Variants in RGS7 observed in about 807,000 individuals in gnomAD.
RGS7 encodes regulator of G-protein signaling 7.
A neutral mutation model predicts 81.1 loss-of-function variants in RGS7; 27 were observed. The observed-to-expected ratio is 0.33, with a 90% CI of 0.25 to 0.46. The LOEUF is 0.46. RGS7 is among the 20% of genes least tolerant of loss of function. The pLI is 1.00. For synonymous variants in RGS7, 208 were observed against 207.7 expected, an observed-to-expected ratio of 1.00 and a Z score of -0.01; for missense variants, 396 against 607.4, an observed-to-expected ratio of 0.65 and a Z score of 3.66.
chr1:241,285,025 A>G (rs1161964110), intron 2 of RGS7, among the ~76,000 whole-genome samples: 1 of 151,782 alleles, frequency 6.6e-6, no homozygotes, highest in Non-Finnish European at 1.5e-5. Context: ...CACCCACCAC[A>G]ATGCCCAGCT....
intron 3 of RGS7, among the ~76,000 whole-genome samples, chr1:241,014,855 T>C (rs1204811872): frequency 6.6e-5 from 10 of 152,122 alleles, no homozygotes; most frequent in Admixed American, 2.0e-4. Flanking sequence ...CCATGAAGAA[T>C]AGGTTGGTTT....
chr1:240,807,107 C>T (rs548788517), intron 14 of RGS7, among the ~76,000 whole-genome samples: 3 of 152,164 alleles, frequency 2.0e-5, no homozygotes, highest in East Asian at 3.9e-4. Context: ...CTTATTTATA[C>T]CATATGTATA....
intron 2 of RGS7, among the ~76,000 whole-genome samples, chr1:241,218,282 A>G (rs947060965): frequency 2.0e-5 from 3 of 152,176 alleles, no homozygotes; most frequent in South Asian, 2.1e-4. Flanking sequence ...CAAAATAGGA[A>G]CCATATCTCT....
At chr1:241,355,606 C>T in intron 2 of RGS7, 93 bp downstream of exon 2, 2 of 1,087,114 alleles carry the variant, frequency 1.8e-6, no homozygotes, top group Non-Finnish European at 2.9e-6. Flanking sequence ...ATCCACAAGG[C>T]CACAAAGTTG....
At chr1:241,091,764 G>A (rs2063901752) in intron 3 of RGS7, among the ~76,000 whole-genome samples, 1 of 151,930 alleles carries the variant, frequency 6.6e-6, no homozygotes. Flanking sequence ...GTGCATGCCT[G>A]TAGTCCCAGC....
intron 6 of RGS7, among the ~76,000 whole-genome samples, chr1:240,927,614 G>C (rs192382833): frequency 6.2e-4 from 94 of 152,248 alleles, no homozygotes; most frequent in African/African-American, 2.2e-3. Context: ...AAGAAAAATC[G>C]TAGAAAATGA....
intron 3 of RGS7, among the ~76,000 whole-genome samples, chr1:241,040,791 T>C (rs1370666923): frequency 6.6e-6 from 1 of 152,018 alleles, no homozygotes; most frequent in Non-Finnish European, 1.5e-5. Flanking sequence ...CACCCAGGCT[T>C]CTTTACTTAA....
intron 6 of RGS7, among the ~76,000 whole-genome samples, chr1:240,888,724 T>C (rs1281301573): frequency 6.6e-6 from 1 of 152,076 alleles, no homozygotes; most frequent in Admixed American, 6.5e-5. Context: ...ATTTTGCTGA[T>C]GAGGCAATTT....
At chr1:240,913,434 A>C (rs1446610998) in intron 6 of RGS7, among the ~76,000 whole-genome samples, 4 of 152,150 alleles carry the variant, frequency 2.6e-5, no homozygotes, top group Non-Finnish European at 5.9e-5. Context: ...AATGACAAAA[A>C]CTTGGAATAT....
Position 241,106,896 on chromosome 1 carries a change from CT to C in RGS7, c.79-8135del, listed in dbSNP as rs543251900. Among the ~76,000 whole-genome samples, 307 of 143,730 alleles carry C rather than the reference CT, an allele frequency of 2.1e-3. 1 individual carries two copies. Among genetic ancestry groups the C allele is most frequent in the South Asian group, 6.9e-3 (31 of 4,504 alleles). The allele number at this position is 143,730 out of a possible 152,430, so 94.3% of individuals were successfully genotyped here. A position where few individuals can be genotyped will look rare whatever the true frequency, so the allele number is the denominator to read the frequency against. ...TTTTTCTAATTTATAGACGTTTCTG[CT>C]TTTTTTTTTTTAAATAAATCATTTC... is the stretch of plus-strand genomic sequence containing the variant. On this transcript the variant is annotated intron_variant, in intron 2 of 18. Transcript: ENST00000440928.
At chr1:241,124,858 G>C (rs1263773687) in intron 2 of RGS7, among the ~76,000 whole-genome samples, 1 of 152,240 alleles carries the variant, frequency 6.6e-6, no homozygotes, top group African/African-American at 2.4e-5. Flanking sequence ...AGAGGCAAAA[G>C]CCAGCGAACT....
intron 6 of RGS7, among the ~76,000 whole-genome samples, chr1:240,890,923 C>T (rs12085786): frequency 4.6e-5 from 7 of 152,096 alleles, no homozygotes; most frequent in African/African-American, 1.7e-4. Context: ...ATGGCAAGAA[C>T]CGCCATTCAT....
intron 9 of RGS7, among the ~76,000 whole-genome samples, chr1:240,833,604 T>C (rs554654527): frequency 6.6e-6 from 1 of 152,312 alleles, no homozygotes; most frequent in East Asian, 1.9e-4. Flanking sequence ...AAGGAGCATC[T>C]GTATATATAT....
At chr1:241,031,917 CT>C (rs1253831015) in intron 3 of RGS7, among the ~76,000 whole-genome samples, 1 of 152,170 alleles carries the variant, frequency 6.6e-6, no homozygotes, top group Non-Finnish European at 1.5e-5. Context: ...TTCTTCTATT[CT>C]TCAGGCTGTC....
intron 2 of RGS7, among the ~76,000 whole-genome samples, chr1:241,341,819 G>A (rs146631771): frequency 1.4e-3 from 216 of 151,404 alleles, no homozygotes; most frequent in African/African-American, 4.9e-3. Context: ...GCTGGTTAGC[G>A]AGAGAGCCTG....
chr1:240,883,809 C>G (rs1199984466), intron 6 of RGS7, among the ~76,000 whole-genome samples: 1 of 152,154 alleles, frequency 6.6e-6, no homozygotes, highest in Non-Finnish European at 1.5e-5. Flanking sequence ...GGCATGGTGG[C>G]TCATGCCTAT....
chr1:241,202,699 T>G (rs1044220868), intron 2 of RGS7, among the ~76,000 whole-genome samples: 1 of 152,232 alleles, frequency 6.6e-6, no homozygotes, highest in Non-Finnish European at 1.5e-5. Context: ...GCAGGTGTTA[T>G]GACCTACAGT....
rs1207041833 is a variant in RGS7, at chr1:241,320,980, A to C, written c.78+34719T>G. On this transcript the variant is annotated intron_variant, in intron 2 of 18. Transcript: ENST00000440928. ...ATGTTATGTGATTAGAATGGGCATA[A>C]AAAATAACAAAATCTGCTGTTATTA... is the stretch of plus-strand genomic sequence containing the variant. Among the ~76,000 whole-genome samples the C allele has an allele frequency of 3.3e-5, 5 of 152,338 alleles. No individual in the cohort carries two copies. The South Asian group carries it at 8.3e-4, about 25-fold the overall frequency.
At chr1:241,058,238 G>A (rs1467545180) in intron 3 of RGS7, among the ~76,000 whole-genome samples, 1 of 152,204 alleles carries the variant, frequency 6.6e-6, no homozygotes, top group African/African-American at 2.4e-5. Flanking sequence ...CCAGTAAAGG[G>A]AAGAATGAGT....
Sources: gnomAD v4.1 joint callset for allele counts (sites outside exome capture counted in the v4.1 genomes callset) on GRCh38, gnomAD v4.1.1 for gene constraint, MANE v1.5 for transcripts, NCBI Gene and HGNC (gene_info 2026-07-23, HGNC 2026-07-21) for gene names.